Variants in MRPL16 observed in about 807,000 individuals in gnomAD.
MRPL16 encodes the protein large ribosomal subunit protein uL16m.
In MRPL16, 17 loss-of-function variants were observed where a neutral mutation model predicts 22.7. The ratio of observed to expected loss-of-function variants is 0.75; its 90% confidence interval spans 0.51 to 1.12. The LOEUF is 1.12. MRPL16 is among the 50% of genes most tolerant of loss of function. The pLI is 0.00. For synonymous variants in MRPL16, 103 were observed against 112.8 expected, an observed-to-expected ratio of 0.91 and a Z score of 0.55; for missense variants, 316 against 328.7, an observed-to-expected ratio of 0.96 and a Z score of 0.30.
At position 59,806,687 on chromosome 11, in the gene MRPL16, C is replaced by T. The variant is rs373008048; in HGVS notation, c.416G>A (p.Arg139His). Reference sequence around the variant, plus strand: ...AATAGCACCTTTGCCTCCCCCCATGCGATGCCCAACACTTTTGCGAGTGAT... The same window carrying T: ...AATAGCACCTTTGCCTCCCCCCATGTGATGCCCAACACTTTTGCGAGTGAT... ...KPITRKSVGH[R>H]MGGGKGAIDH... Residue 139 changes from arginine to histidine, a missense_variant, in exon 4 of 4, where the codon CGC becomes CAC. By Grantham distance (29) the Arg-to-His change is conservative. Transcript: ENST00000300151. The T allele has an allele frequency of 3.8e-5, 61 of 1,614,068 alleles. No individual in the cohort carries two copies. The highest frequency in any genetic ancestry group is 1.6e-4 in the Middle Eastern group (1 of 6,084).
At chr11:59,810,064 G>A (rs953108497) in intron 1 of MRPL16, 144 bp from the exon 2 acceptor site, 2 of 712,856 alleles carry the variant, frequency 2.8e-6, no homozygotes, top group Admixed American at 3.6e-5. Context: ...CCAGTGCAGT[G>A]GCGCGATCTC....
Position 59,810,767 on chromosome 11 carries a change from G to A in MRPL16, c.-109C>T, listed in dbSNP as rs1373351431. 48 of 1,204,464 alleles carry A rather than the reference G, an allele frequency of 4.0e-5. No homozygotes were observed. Among genetic ancestry groups the A allele is most frequent in the South Asian group, 1.1e-4 (8 of 75,884 alleles). 74.6% of individuals were successfully genotyped at this position (1,204,464 alleles called of 1,614,324 possible). A position where few individuals can be genotyped will look rare whatever the true frequency, so the allele number is the denominator to read the frequency against. On this transcript the variant is annotated 5_prime_UTR_variant, in exon 1 of 4. Coordinates refer to ENST00000300151, the MANE Select transcript of MRPL16 (RefSeq NM_017840.4). The stretch of plus-strand genomic sequence containing the variant: ...CTAGCTGTAATCGGCTCAGGACACC[G>A]CTCAGTGGGGCCGGAAGTTGTGTTC...
chr11:59,806,712 T>C lies in MRPL16; in HGVS notation c.391A>G (p.Ile131Val). Reference sequence around the variant, plus strand: ...CGATGCCCAACACTTTTGCGAGTGATGGGCTTGAAAGGGGCTGGTACTCGC... The same window carrying C: ...CGATGCCCAACACTTTTGCGAGTGACGGGCTTGAAAGGGGCTGGTACTCGC... Reference protein sequence around the residue: ...IWRVPAPFKPITRKSVGHRMG... With the variant: ...IWRVPAPFKPVTRKSVGHRMG... Residue 131 changes from isoleucine (I) to valine (V), a missense_variant, in exon 4 of 4, where the codon ATC becomes GTC. Transcript: ENST00000300151. 6.2e-7 allele frequency: 1 copy of C among 1,614,172 alleles called. No homozygotes were observed. Among genetic ancestry groups the C allele is most frequent in the East Asian group, 2.2e-5 (1 of 44,866 alleles).
At chr11:59,810,288 C>A (rs750868973) in intron 1 of MRPL16, 68 of 1,267,016 alleles carry the variant, frequency 5.4e-5, no homozygotes, top group Admixed American at 8.0e-5. Flanking sequence ...CTATTAAAGG[C>A]GTGAGCCACC....
chr11:59,809,648 G>A, intron 2 of MRPL16: 2 of 565,224 alleles, frequency 3.5e-6, no homozygotes, highest in South Asian at 2.1e-5. Flanking sequence ...TGCTCCGTAA[G>A]AGCAAGGAAC....
chr11:59,808,984 A>G (rs1284715938), intron 2 of MRPL16: 1 of 152,256 alleles, frequency 6.6e-6, no homozygotes. Flanking sequence ...GAAGAGTTTG[A>G]GGAAATACCA....
rs1458667669 is a variant in MRPL16 at position 59,809,133 on chromosome 11, T to G, written c.121+722A>C. ...TTTAACAATTCTGTACAGAAGACCC[T>G]CAGATGTACAGACCCTATTCATTTT... On this transcript the variant is annotated intron_variant, in intron 2 of 3. Transcript: ENST00000300151. Among the ~76,000 whole-genome samples, 3 of 152,168 alleles carry G rather than the reference T, an allele frequency of 2.0e-5. No individual in the cohort carries two copies. The South Asian group carries it at 6.2e-4, about 31-fold the overall frequency.
In MRPL16 at chr11:59,806,514, TCTCTA is replaced by T; in HGVS notation, c.584_588del (p.Leu195GlnfsTer12). 6.2e-7 allele frequency: 1 copy of T among 1,614,228 alleles called. No homozygotes were observed. The highest frequency in any genetic ancestry group is 8.5e-7 in the Non-Finnish European group (1 of 1,180,050). On this transcript the variant is annotated frameshift_variant, in exon 4 of 4. Transcript: ENST00000300151. LOFTEE classifies it high-confidence loss of function. ...CTTTCCTCTTGATCTTTTCGCATCT[TCTCTA>T]GAGTCCCGCGGCTCACAGCCTTTGC...
Position 59,807,752 on chromosome 11 carries a change from C to T in MRPL16, c.219G>A (p.Arg73=), listed in dbSNP as rs201865083. Residue 73 remains arginine, a synonymous_variant, in exon 3 of 4, where the codon CGG becomes CGA. Coordinates refer to ENST00000300151, the MANE Select transcript of MRPL16 (RefSeq NM_017840.4). ...RREPKNLSDI[R]GPSTEATEFT... ...ACTCCGTAGCTTCAGTGGAAGGTCC[C>T]CGTATGTCACTTAAATTTTTAGGTT... The T allele has an allele frequency of 1.9e-6, 3 of 1,613,736 alleles. No individual in the cohort carries two copies. Among genetic ancestry groups the T allele is most frequent in the East Asian group, 2.2e-5 (1 of 44,864 alleles).
At chr11:59,809,326 CAG>C (rs1312175094) in intron 2 of MRPL16, among the ~76,000 whole-genome samples, 4 of 151,684 alleles carry the variant, frequency 2.6e-5, no homozygotes, top group East Asian at 3.9e-4. Context: ...TCTTTTGAGA[CAG>C]AGTCTCACTC....
At chr11:59,807,635 A>G in intron 3 of MRPL16, 66 bp downstream of exon 3, 1 of 1,495,726 alleles carries the variant, frequency 6.7e-7, no homozygotes, top group Admixed American at 2.1e-5. Flanking sequence ...AATTATCTCA[A>G]GGAGTATGAG....
intron 1 of MRPL16, 192 bp downstream of exon 1, chr11:59,810,412 C>G: frequency 7.1e-7 from 1 of 1,408,442 alleles, no homozygotes; most frequent in Non-Finnish European, 9.2e-7. Flanking sequence ...TCTCTGGGCG[C>G]CGACTCCCAG....
At chr11:59,809,690 C>A in intron 2 of MRPL16, 165 bp downstream of exon 2, 1 of 699,514 alleles carries the variant, frequency 1.4e-6, no homozygotes, top group Non-Finnish European at 2.4e-6. Context: ...TGATTTATTT[C>A]TAGTGCTCAG....
chr11:59,806,250 TTAAGAGCTA>T lies in MRPL16; in HGVS notation c.*88_*96del. On this transcript the variant is annotated 3_prime_UTR_variant, in exon 4 of 4. Coordinates refer to ENST00000300151, the MANE Select transcript of MRPL16 (RefSeq NM_017840.4). ...TCAAATGCTGCTCCTTAGTTATGGCTTAAGAGCTACCCAAAGACTTCAGTGGGTAGGCTG... is the reference window on the plus strand; with the variant it reads ...TCAAATGCTGCTCCTTAGTTATGGCTCCCAAAGACTTCAGTGGGTAGGCTG... 1 of 1,399,022 alleles carries T rather than the reference TTAAGAGCTA, an allele frequency of 7.1e-7. No homozygotes were observed. The highest frequency in any genetic ancestry group is 9.8e-7 in the Non-Finnish European group (1 of 1,025,206). 86.7% of individuals were successfully genotyped at this position (1,399,022 alleles called of 1,614,324 possible).
At position 59,810,619 on chromosome 11, in the gene MRPL16, G is replaced by T. The variant is rs1866164713; in HGVS notation, c.40C>A (p.Arg14=). The part of the protein sequence containing the change: ...LLARASAPLL[R]VPLSDSWALL... ...GACTTCTGACCTGACAAGGGCACCC[G>T]CAGGAGCGGCGCACTAGCGCGAGCC... The change falls in exon 1 of 4, where the codon CGG becomes AGG. Residue 14 remains arginine (R), a synonymous_variant. Transcript: ENST00000300151. 1 of 1,614,060 alleles carries T rather than the reference G, an allele frequency of 6.2e-7. No homozygotes were observed.
intron 2 of MRPL16, chr11:59,808,770 A>G (rs546783206): frequency 1.3e-5 from 2 of 152,290 alleles, no homozygotes; most frequent in African/African-American, 4.8e-5. Context: ...TTTCTCTCAT[A>G]TATGCAGGGA....
rs1866111837 is a variant in MRPL16 at position 59,807,095 on chromosome 11, A to G, written c.271-263T>C. The G allele has an allele frequency of 5.2e-5, 23 of 444,516 alleles. 1 individual carries two copies. In the South Asian group the frequency reaches 5.8e-4, roughly 11 times the overall value. The allele number at this position is 444,516 out of a possible 1,614,324, so 27.5% of individuals were successfully genotyped here. On this transcript the variant is annotated intron_variant, in intron 3 of 3. Coordinates refer to ENST00000300151, the MANE Select transcript of MRPL16 (RefSeq NM_017840.4). ...AGAATAAAAAGAACTAGCCAAGGGA[A>G]AAGAGAGGAGTGTGCCAGGCATAAG... is the stretch of plus-strand genomic sequence containing the variant.
Position 59,806,580 on chromosome 11 carries a change from A to G in MRPL16, c.523T>C (p.Phe175Leu). Residue 175 changes from phenylalanine to leucine, a missense_variant, in exon 4 of 4, where the codon TTC becomes CTC. Phe to Leu is a conservative substitution (Grantham distance 22). Transcript: ENST00000300151. ...AACTTGTGGGCAACCTGGTCAAGGA[A>G]ACCTTGCACTTCTTCAAATTCACAA... ...GRCEFEEVQG[F>L]LDQVAHKLPF... The G allele has an allele frequency of 6.2e-7, 1 of 1,614,202 alleles. No individual in the cohort carries two copies. Among genetic ancestry groups the G allele is most frequent in the Non-Finnish European group, 8.5e-7 (1 of 1,180,040 alleles).
chr11:59,809,750 G>C, intron 2 of MRPL16, 105 bp downstream of exon 2: 1 of 960,016 alleles, frequency 1.0e-6, no homozygotes, highest in Admixed American at 2.6e-5. Context: ...TATTGAAAGA[G>C]TGAACGGGGA....
Sources: allele counts gnomAD v4.1 joint callset (sites outside exome capture counted in the v4.1 genomes callset), GRCh38; gene constraint gnomAD v4.1.1; transcripts MANE v1.5; gene names NCBI Gene and HGNC (gene_info 2026-07-23, HGNC 2026-07-21).